Variants in GLB1L3 observed in about 807,000 individuals in gnomAD.
GLB1L3 encodes beta-galactosidase-1-like protein 3.
GLB1L3 carries 89 observed loss-of-function variants against 89.5 expected under a neutral mutation model. That is an observed-to-expected ratio of 0.99 (90% CI 0.84 to 1.19). GLB1L3 has a LOEUF of 1.19. Among genes scored for constraint, GLB1L3 ranks in the 50% most tolerant of loss-of-function variants. The pLI is 0.00. For missense variants in GLB1L3, 812 were observed against 813.3 expected (o/e 1.00, Z 0.02); for synonymous variants, 314 against 312.3 (o/e 1.01, Z -0.06).
intron 9 of GLB1L3, among the ~76,000 whole-genome samples, chr11:134,295,812 A>G (rs1427959832): frequency 6.6e-6 from 1 of 152,112 alleles, no homozygotes; most frequent in Non-Finnish European, 1.5e-5. Context: ...CTGTGTTTTC[A>G]TTGAGTTCAA....
chr11:134,296,410 T>C (rs1941640578), intron 9 of GLB1L3, among the ~76,000 whole-genome samples: 1 of 131,868 alleles, frequency 7.6e-6, no homozygotes. Flanking sequence ...TATTGCAGCA[T>C]TATTCACAAT....
At chr11:134,299,970 C>A (rs1941855016) in intron 9 of GLB1L3, among the ~76,000 whole-genome samples, 1 of 152,116 alleles carries the variant, frequency 6.6e-6, no homozygotes, top group Non-Finnish European at 1.5e-5. Flanking sequence ...CTGATTGGGG[C>A]TTTTGTTCCC....
At chr11:134,310,305 T>C (rs965465367) in intron 11 of GLB1L3, 2 of 500,024 alleles carry the variant, frequency 4.0e-6, no homozygotes, top group African/African-American at 3.8e-5. Context: ...CTGTAGCCCA[T>C]GAGCTGTGGG....
At chr11:134,308,241 C>CCAT (rs1565412628) in intron 10 of GLB1L3, among the ~76,000 whole-genome samples, 1 of 40,542 alleles carries the variant, frequency 2.5e-5, no homozygotes. Context: ...ACCACCATCA[C>CCAT]CATCACCACC....
chr11:134,291,397 T>C (rs1291498263), intron 7 of GLB1L3, among the ~76,000 whole-genome samples: 1 of 151,988 alleles, frequency 6.6e-6, no homozygotes, highest in Non-Finnish European at 1.5e-5. Flanking sequence ...GTAGCTGGAA[T>C]TACAGGTATG....
intron 9 of GLB1L3, among the ~76,000 whole-genome samples, chr11:134,301,448 A>C (rs553734351): frequency 1.6e-4 from 24 of 152,246 alleles, no homozygotes; most frequent in African/African-American, 5.3e-4. Flanking sequence ...TCTTGTTTTT[A>C]ATGGCCGTAT....
intron 9 of GLB1L3, among the ~76,000 whole-genome samples, chr11:134,293,627 G>A (rs1360546723): frequency 6.6e-6 from 1 of 152,130 alleles, no homozygotes; most frequent in East Asian, 1.9e-4. Context: ...TTAAGACGTG[G>A]ATTGAGCGGC....
At chr11:134,294,766 A>G (rs759529464) in intron 9 of GLB1L3, among the ~76,000 whole-genome samples, 9 of 152,184 alleles carry the variant, frequency 5.9e-5, no homozygotes, top group Non-Finnish European at 1.2e-4. Flanking sequence ...CTTCTTTCAC[A>G]CAGCGTGGTG....
chr11:134,276,519 G>C lies in GLB1L3; in HGVS notation c.-222G>C. The stretch of plus-strand genomic sequence containing the variant: ...TGCGGGAACACCTGGAGCGCCGGCG[G>C]AGCTCGGCTGTCCCCGCGGGAGGGA... On this transcript the variant is annotated 5_prime_UTR_variant, in exon 1 of 20. Transcript: ENST00000431683. The C allele has an allele frequency of 2.6e-6, 1 of 388,766 alleles. No individual in the cohort carries two copies. 24.1% of individuals were successfully genotyped at this position (388,766 alleles called of 1,614,324 possible). A position where few individuals can be genotyped will look rare whatever the true frequency, so the allele number is the denominator to read the frequency against.
rs544645560 is a variant in GLB1L3, at chr11:134,278,795, G to T, written c.362+883G>T. Among the ~76,000 whole-genome samples the T allele has an allele frequency of 1.2e-4, 18 of 152,304 alleles. 1 individual carries two copies. In the South Asian group the frequency reaches 3.1e-3, roughly 26 times the overall value. On this transcript the variant is annotated intron_variant, in intron 3 of 19. Transcript: ENST00000431683. ...TAAACTGGTTCATTTAAAATGCAAA[G>T]AATTTAATCAGAAATAATCGTTGAG... is the stretch of plus-strand genomic sequence containing the variant.
At chr11:134,323,500 G>A (rs1210822403), downstream of GLB1L3, among the ~76,000 whole-genome samples, 2 of 152,026 alleles carry the variant, frequency 1.3e-5, no homozygotes, top group Non-Finnish European at 2.9e-5. Context: ...GCTTGAACCC[G>A]GGAGGCGGAG....
chr11:134,305,748 T>C (rs1043216952), intron 9 of GLB1L3, among the ~76,000 whole-genome samples: 1 of 152,150 alleles, frequency 6.6e-6, no homozygotes, highest in Non-Finnish European at 1.5e-5. Flanking sequence ...CTTATTAATA[T>C]GCATAGAGAT....
At chr11:134,295,841 T>A (rs1055929385) in intron 9 of GLB1L3, among the ~76,000 whole-genome samples, 13 of 152,338 alleles carry the variant, frequency 8.5e-5, no homozygotes, top group South Asian at 2.1e-4. Context: ...AACATTTTTT[T>A]AAATTTCCCT....
rs190915191 is a variant in GLB1L3, at chr11:134,289,103, A to G, written c.729+213A>G. ...CTCAAAATTTAGTCACTAATAGTCT[A>G]CTGTTGACTGGAAGCCTTACCAATA... On this transcript the variant is annotated intron_variant, in intron 7 of 19. Coordinates refer to ENST00000431683, the MANE Select transcript of GLB1L3 (RefSeq NM_001080407.3). 505 of 466,804 alleles carry G rather than the reference A, an allele frequency of 1.1e-3. 3 individuals carry two copies. The highest frequency in any genetic ancestry group is 1.7e-3 in the Non-Finnish European group (442 of 263,050). The allele number at this position is 466,804 out of a possible 1,614,324, so 28.9% of individuals were successfully genotyped here.
At chr11:134,303,163 C>T (rs1300357089) in intron 9 of GLB1L3, among the ~76,000 whole-genome samples, 3 of 152,176 alleles carry the variant, frequency 2.0e-5, no homozygotes, top group Admixed American at 6.5e-5. Context: ...CCAGACCTCT[C>T]TGATTAATAT....
In GLB1L3 at chr11:134,282,032, G is replaced by C. The variant is rs373035067; in HGVS notation, c.439G>C (p.Val147Leu). ...CGATGTGGACCTCCCTAGGGCCTTC[G>C]TCCTGATGGCCGCAGAGATCGGGCT... ...FSGNLDLEAFVLMAAEIGLWV... is the reference protein window; with the variant it reads ...FSGNLDLEAFLLMAAEIGLWV... Residue 147 changes from valine (V) to leucine (L), a missense_variant, in exon 5 of 20, where the codon GTC (valine) becomes CTC (leucine). Transcript: ENST00000431683. 3.2e-6 allele frequency: 5 copies of C among 1,572,002 alleles called. No individual in the cohort carries two copies. Among genetic ancestry groups the C allele is most frequent in the Non-Finnish European group, 4.3e-6 (5 of 1,155,232 alleles).
chr11:134,287,946 C>T (rs1941115072), intron 6 of GLB1L3, among the ~76,000 whole-genome samples: 1 of 152,178 alleles, frequency 6.6e-6, no homozygotes, highest in African/African-American at 2.4e-5. Context: ...GCCATTTATG[C>T]TGTAGGCAGT....
At chr11:134,324,736 AATG>A in the GLB1L3 span, among the ~76,000 whole-genome samples, 1 of 152,164 alleles carries the variant, frequency 6.6e-6, no homozygotes, top group Non-Finnish European at 1.5e-5. Flanking sequence ...TCATGGCCTG[AATG>A]ATATTAAATA....
At chr11:134,284,392 C>A (rs1940868507) in intron 6 of GLB1L3, among the ~76,000 whole-genome samples, 1 of 151,768 alleles carries the variant, frequency 6.6e-6, no homozygotes. Context: ...CTTTTTAGTG[C>A]CTGCACACTG....
Sources: gnomAD v4.1 joint callset for allele counts (sites outside exome capture counted in the v4.1 genomes callset) on GRCh38, gnomAD v4.1.1 for gene constraint, MANE v1.5 for transcripts, NCBI Gene and HGNC (gene_info 2026-07-23, HGNC 2026-07-21) for gene names.